Variants in APBB2 observed in about 807,000 individuals in gnomAD.
The protein encoded by APBB2 is Fe65-like 1.
A neutral mutation model predicts 82.5 loss-of-function variants in APBB2; 38 were observed. The ratio of observed to expected loss-of-function variants is 0.46; its 90% confidence interval spans 0.36 to 0.60. The LOEUF (loss-of-function observed/expected upper bound fraction) is 0.60, where lower values mean the gene tolerates loss of function less well. APBB2 is among the 20% of genes least tolerant of loss of function. APBB2 has a pLI of 0.00. For synonymous variants in APBB2, 341 were observed against 368.2 expected, an observed-to-expected ratio of 0.93 and a Z score of 0.85; for missense variants, 772 against 972.3, an observed-to-expected ratio of 0.79 and a Z score of 2.74.
intron 10 of APBB2, among the ~76,000 whole-genome samples, chr4:40,933,193 G>A (rs1784630764): frequency 6.6e-6 from 1 of 152,150 alleles, no homozygotes. Context: ...GCTATTTAAT[G>A]TTACAATCCC....
chr4:41,201,973 G>C (rs1474581976), intron 1 of APBB2, among the ~76,000 whole-genome samples: 1 of 152,156 alleles, frequency 6.6e-6, no homozygotes, highest in Non-Finnish European at 1.5e-5. Flanking sequence ...CAGCTCCTGG[G>C]GTCTGTGACT....
chr4:41,210,766 G>A (rs1486132267), intron 1 of APBB2, among the ~76,000 whole-genome samples: 1 of 152,176 alleles, frequency 6.6e-6, no homozygotes, highest in Non-Finnish European at 1.5e-5. Context: ...CTTTAAAAGA[G>A]AATGCTTACT....
chr4:40,879,620 C>A (rs1279769596), intron 12 of APBB2, among the ~76,000 whole-genome samples: 1 of 152,026 alleles, frequency 6.6e-6, no homozygotes, highest in Non-Finnish European at 1.5e-5. Flanking sequence ...CAGAATAATA[C>A]TAAGCTCTCA....
At chr4:40,949,726 G>A (rs575286134) in intron 6 of APBB2, among the ~76,000 whole-genome samples, 31 of 150,696 alleles carry the variant, frequency 2.1e-4, no homozygotes, top group South Asian at 1.0e-3. Flanking sequence ...CAAGGCAAGC[G>A]GCTGAAAACT....
intron 1 of APBB2, among the ~76,000 whole-genome samples, chr4:41,188,155 A>C (rs1256621367): frequency 6.6e-6 from 1 of 152,242 alleles, no homozygotes; most frequent in African/African-American, 2.4e-5. Context: ...TGTAGAAAAG[A>C]AAATCTAGAG....
intron 10 of APBB2, among the ~76,000 whole-genome samples, chr4:40,930,446 T>TGCGCGC (rs1366786393): frequency 1.2e-5 from 1 of 81,382 alleles, no homozygotes; most frequent in African/African-American, 6.1e-5. Context: ...TGTGTGTGTG[T>TGCGCGC]GTGCGCGCGC....
intron 1 of APBB2, among the ~76,000 whole-genome samples, chr4:41,174,327 A>G (rs915981098): frequency 2.6e-5 from 4 of 152,220 alleles, no homozygotes; most frequent in Admixed American, 6.5e-5. Flanking sequence ...AAGTCAGAGA[A>G]TCTCAAGAAA....
intron 1 of APBB2, among the ~76,000 whole-genome samples, chr4:41,161,180 A>G (rs1220346318): frequency 6.6e-6 from 1 of 151,824 alleles, no homozygotes; most frequent in Non-Finnish European, 1.5e-5. Flanking sequence ...CAAAAAAAAA[A>G]AAAAAAAAAA....
rs1287219827 is a variant in APBB2 at position 40,814,172 on chromosome 4, G to A, written c.*1920C>T. 6.6e-6 allele frequency: 1 copy of A among 152,202 alleles called. No individual in the cohort carries two copies. Among genetic ancestry groups the A allele is most frequent in the East Asian group, 1.9e-4 (1 of 5,198 alleles). 9.4% of individuals were successfully genotyped at this position (152,202 alleles called of 1,614,324 possible). A position where few individuals can be genotyped will look rare whatever the true frequency, so the allele number is the denominator to read the frequency against. On this transcript the variant is annotated 3_prime_UTR_variant, in exon 18 of 18. Transcript: ENST00000508593. ...GAAAATCTCGTAGATGGAACAGGCT[G>A]TGAATGTAGAATCCTGCCCTCTACA... is the stretch of plus-strand genomic sequence containing the variant.
intron 5 of APBB2, among the ~76,000 whole-genome samples, chr4:41,018,991 G>T (rs980249967): frequency 5.3e-5 from 8 of 152,218 alleles, no homozygotes; most frequent in African/African-American, 1.7e-4. Context: ...GAACAGGGCA[G>T]AAAGATAAGG....
intron 6 of APBB2, among the ~76,000 whole-genome samples, chr4:41,009,463 C>T (rs556436339): frequency 4.6e-5 from 7 of 152,234 alleles, no homozygotes; most frequent in Admixed American, 2.6e-4. Context: ...AAAGAAGTTA[C>T]TAAACAGCTG....
At chr4:41,185,288 G>T (rs2154066739) in intron 1 of APBB2, among the ~76,000 whole-genome samples, 1 of 152,296 alleles carries the variant, frequency 6.6e-6, no homozygotes, top group East Asian at 1.9e-4. Context: ...TTTCTAAAAT[G>T]CACATTGCTA....
intron 10 of APBB2, among the ~76,000 whole-genome samples, chr4:40,915,568 C>G (rs1045250158): frequency 6.6e-6 from 1 of 152,176 alleles, no homozygotes; most frequent in Non-Finnish European, 1.5e-5. Context: ...CTGTTGTTTT[C>G]TAAGAAAGGT....
chr4:40,846,423 C>CA (rs755317400), intron 12 of APBB2, among the ~76,000 whole-genome samples: 1 of 151,400 alleles, frequency 6.6e-6, no homozygotes, highest in Non-Finnish European at 1.5e-5. Flanking sequence ...TCTTGAAACT[C>CA]AATCCCAGGT....
chr4:40,826,020 G>A lies in APBB2; in HGVS notation c.1733-50C>T, dbSNP rs374130390. On this transcript the variant is annotated intron_variant, in intron 14 of 17. Coordinates refer to ENST00000508593, the MANE Select transcript of APBB2 (RefSeq NM_004307.2). The surrounding 1 kb of genome is among the most constrained non-coding windows in gnomAD (Gnocchi z 4.5). ...CTTTCTCAGTGGTTCCAACACACAT[G>A]TACACAACAGCCGTGGCTCTGCATC... 7.2e-6 allele frequency: 10 copies of A among 1,395,212 alleles called. No homozygotes were observed. The highest frequency in any genetic ancestry group is 9.2e-6 in the Non-Finnish European group (9 of 980,524). The allele number at this position is 1,395,212 out of a possible 1,614,324, so 86.4% of individuals were successfully genotyped here.
At chr4:40,908,081 G>A (rs554431210) in intron 10 of APBB2, among the ~76,000 whole-genome samples, 2 of 151,698 alleles carry the variant, frequency 1.3e-5, no homozygotes, top group Non-Finnish European at 2.9e-5. Context: ...ATGTGTGTGT[G>A]TATGTGTCTG....
chr4:41,147,121 G>A (rs531098308), intron 1 of APBB2, among the ~76,000 whole-genome samples: 2 of 152,284 alleles, frequency 1.3e-5, no homozygotes, highest in African/African-American at 4.8e-5. Flanking sequence ...GCAGGCAAAC[G>A]GAATCAGGGT....
intron 5 of APBB2, among the ~76,000 whole-genome samples, chr4:41,029,714 ATAAG>A (rs1392982860): frequency 2.0e-5 from 3 of 152,250 alleles, no homozygotes; most frequent in Non-Finnish European, 1.5e-5. Context: ...ATTATAAAAA[ATAAG>A]TAAGAAATGT....
intron 2 of APBB2, among the ~76,000 whole-genome samples, chr4:41,114,518 G>A (rs1403110475): frequency 6.6e-6 from 1 of 152,168 alleles, no homozygotes; most frequent in Non-Finnish European, 1.5e-5. Flanking sequence ...AATAAAAAGA[G>A]AGGAAGTCAA....
Sources: gnomAD v4.1 joint callset for allele counts (sites outside exome capture counted in the v4.1 genomes callset) on GRCh38, gnomAD v4.1.1 for gene constraint, Gnocchi (gnomAD v3.1) non-coding constraint, MANE v1.5 for transcripts, NCBI Gene and HGNC (gene_info 2026-07-23, HGNC 2026-07-21) for gene names.